Variants in ZBTB24 observed in about 807,000 individuals in gnomAD.
ZBTB24 encodes the protein zinc finger and BTB domain-containing protein 24.
Under a neutral mutation model 53.8 loss-of-function variants are expected in ZBTB24, and 32 were observed. The observed-to-expected ratio is 0.60, with a 90% CI of 0.45 to 0.80. The LOEUF is 0.80. Among genes scored for constraint, ZBTB24 ranks in the 30% least tolerant of loss-of-function variants. ZBTB24 has a pLI of 0.00. For synonymous variants in ZBTB24, 297 were observed against 306.7 expected (o/e 0.97, Z 0.33); for missense variants, 722 against 837.1 (o/e 0.86, Z 1.70).
intron 2 of ZBTB24, among the ~76,000 whole-genome samples, chr6:109,477,775 T>C (rs1443595915): frequency 1.3e-5 from 2 of 152,210 alleles, no homozygotes; most frequent in African/African-American, 4.8e-5. Flanking sequence ...TTCCCCATCC[T>C]GTCCTAGACA....
At chr6:109,478,763 T>C (rs1443652952) in intron 2 of ZBTB24, among the ~76,000 whole-genome samples, 2 of 150,304 alleles carry the variant, frequency 1.3e-5, no homozygotes, top group Admixed American at 6.6e-5. Context: ...CCCTTACATA[T>C]GATTTAAAAA....
At position 109,481,430 on chromosome 6, in the gene ZBTB24, C is replaced by T. The variant is rs1423585422; in HGVS notation, c.597G>A (p.Val199=). The change falls in exon 2 of 7, where the codon GTG becomes GTA. Residue 199 remains valine (V), a synonymous_variant. Transcript: ENST00000230122. ...NNSVQNRQNF[V]VKGDSGVLNE... The stretch of plus-strand genomic sequence containing the variant: ...TCAGTACACCACTGTCTCCTTTAAC[C>T]ACAAAGTTTTGTCTATTCTGAACTG... 4 of 1,614,158 alleles carry T rather than the reference C, an allele frequency of 2.5e-6. No homozygotes were observed. In the South Asian group the frequency reaches 4.4e-5, roughly 18 times the overall value.
chr6:109,475,357 A>C, intron 5 of ZBTB24, 42 bp downstream of exon 5: 6 of 1,611,156 alleles, frequency 3.7e-6, no homozygotes, highest in Non-Finnish European at 5.1e-6. Context: ...CTCTCCTGAA[A>C]ACATCCCGTG....
rs548949913 is a variant in ZBTB24 at position 109,473,948 on chromosome 6, G to A, written c.1288+1451C>T. Among the ~76,000 whole-genome samples, 11 of 151,734 alleles carry A rather than the reference G, an allele frequency of 7.2e-5. No homozygotes were observed. In the South Asian group the frequency reaches 2.3e-3, roughly 31 times the overall value. On this transcript the variant is annotated intron_variant, in intron 5 of 6. Coordinates refer to ENST00000230122, the MANE Select transcript of ZBTB24 (RefSeq NM_014797.3). ...AAAAAAAAACACAAAAATTAGCCAG[G>A]CGTGGTGGTGCGCACCTGTAGTTCC... is the stretch of plus-strand genomic sequence containing the variant.
At chr6:109,473,071 C>T (rs1776199953) in intron 5 of ZBTB24, among the ~76,000 whole-genome samples, 3 of 152,192 alleles carry the variant, frequency 2.0e-5, no homozygotes, top group Admixed American at 6.5e-5. Flanking sequence ...AAAGCCATCT[C>T]CCTCAGAATA....
chr6:109,479,166 G>A (rs1776343756), intron 2 of ZBTB24, among the ~76,000 whole-genome samples: 1 of 152,166 alleles, frequency 6.6e-6, no homozygotes, highest in Non-Finnish European at 1.5e-5. Flanking sequence ...CAAACCTTAT[G>A]AATCTACCTG....
Position 109,466,494 on chromosome 6 carries a change from T to A in ZBTB24, c.1451A>T (p.His484Leu). 1.2e-6 allele frequency: 2 copies of A among 1,614,204 alleles called. No homozygotes were observed. The highest frequency in any genetic ancestry group is 1.7e-6 in the Non-Finnish European group (2 of 1,180,046). Residue 484 changes from histidine (H) to leucine (L), a missense_variant, in exon 7 of 7, where the codon CAC (histidine) becomes CTC (leucine). Transcript: ENST00000230122. Reference sequence around the variant, plus strand: ...GCAGGAGAAAGGCTTCTTGCCAGTGTGTAGAATGCAGTGTCTCCTTTTGGC... The same window carrying A: ...GCAGGAGAAAGGCTTCTTGCCAGTGAGTAGAATGCAGTGTCTCCTTTTGGC... ...SSAKRRHCIL[H>L]TGKKPFSCPE...
At chr6:109,472,896 G>A (rs1433184523) in intron 5 of ZBTB24, among the ~76,000 whole-genome samples, 4 of 151,998 alleles carry the variant, frequency 2.6e-5, no homozygotes, top group Non-Finnish European at 4.4e-5. Context: ...TCCAGAACTG[G>A]ACCACCTGAC....
At chr6:109,476,350 C>T in intron 3 of ZBTB24, 92 bp from the exon 4 acceptor site, 2 of 1,305,494 alleles carry the variant, frequency 1.5e-6, no homozygotes, top group South Asian at 1.2e-5. Context: ...GGGTCCAGGT[C>T]CCCATTTTCT....
rs1477626713 is a variant in ZBTB24 at position 109,462,762 on chromosome 6, T to G, written c.*3089A>C. ...AATCATCCCAAGGCAGACCCTCTTC[T>G]GGGAGAAAACCAAAGATTCACCTTC... On this transcript the variant is annotated 3_prime_UTR_variant, in exon 7 of 7. Coordinates refer to ENST00000230122, the MANE Select transcript of ZBTB24 (RefSeq NM_014797.3). 3 of 152,222 alleles carry G rather than the reference T, an allele frequency of 2.0e-5. No individual in the cohort carries two copies. Among genetic ancestry groups the G allele is most frequent in the African/African-American group, 7.2e-5 (3 of 41,450 alleles). The allele number at this position is 152,222 out of a possible 1,614,324, so 9.4% of individuals were successfully genotyped here. A position where few individuals can be genotyped will look rare whatever the true frequency, so the allele number is the denominator to read the frequency against.
At position 109,481,540 on chromosome 6, in the gene ZBTB24, C is replaced by T; in HGVS notation, c.487G>A (p.Gly163Arg). ...KKNDPPKRKRGRPKKVNTLQE... is the reference protein window; with the variant it reads ...KKNDPPKRKRRRPKKVNTLQE... Reference sequence around the variant, plus strand: ...AATGTATTGACTTTTTTTGGTCTTCCCCGTTTCCGCTTTGGAGGATCGTTT... The same window carrying T: ...AATGTATTGACTTTTTTTGGTCTTCTCCGTTTCCGCTTTGGAGGATCGTTT... The change falls in exon 2 of 7, where the codon GGA becomes AGA. Residue 163 changes from glycine (G) to arginine (R), a missense_variant. By Grantham distance (125) the Gly-to-Arg change is moderately radical. Transcript: ENST00000230122. 3 of 1,614,128 alleles carry T rather than the reference C, an allele frequency of 1.9e-6. No homozygotes were observed. The highest frequency in any genetic ancestry group is 4.5e-5 in the East Asian group (2 of 44,886).
At chr6:109,475,854 T>C (rs1000869267) in intron 4 of ZBTB24, among the ~76,000 whole-genome samples, 1 of 152,210 alleles carries the variant, frequency 6.6e-6, no homozygotes, top group African/African-American at 2.4e-5. Context: ...CTGACAGCCA[T>C]GGGATGATGA....
At position 109,466,302 on chromosome 6, in the gene ZBTB24, C is replaced by G; in HGVS notation, c.1643G>C (p.Gly548Ala). ...TACGAGAAGCTGAATTTCCTGCTCT[C>G]CCGAGGTAGAGAGTTGATATGGCTG... The part of the protein sequence containing the change: ...QLQPYQLSTS[G>A]EQEIQLLVTD... Residue 548 changes from glycine (G) to alanine (A), a missense_variant, in exon 7 of 7, where the codon GGA (glycine) becomes GCA (alanine). By Grantham distance (60) the Gly-to-Ala change is moderately conservative. Transcript: ENST00000230122. The G allele has an allele frequency of 1.9e-6, 3 of 1,614,160 alleles. No individual in the cohort carries two copies. The highest frequency in any genetic ancestry group is 2.5e-6 in the Non-Finnish European group (3 of 1,180,036).
chr6:109,474,248 A>T (rs539625266), intron 5 of ZBTB24, among the ~76,000 whole-genome samples: 3 of 152,240 alleles, frequency 2.0e-5, no homozygotes, highest in African/African-American at 4.8e-5. Context: ...GGTATAAAAG[A>T]TCCAATTTTC....
Position 109,481,498 on chromosome 6 carries a change from C to G in ZBTB24, c.529G>C (p.Glu177Gln). ...KVNTLQEEKS[E>Q]LAAEEEIQLR... The stretch of plus-strand genomic sequence containing the variant: ...TGTATTTCTTCCTCTGCAGCCAGTT[C>G]TGATTTCTCCTCCTGCAATGTATTG... Residue 177 changes from glutamate (E) to glutamine (Q), a missense_variant, in exon 2 of 7, where the codon GAA (glutamate) becomes CAA (glutamine). Coordinates refer to ENST00000230122, the MANE Select transcript of ZBTB24 (RefSeq NM_014797.3). 1.9e-6 allele frequency: 3 copies of G among 1,614,202 alleles called. No individual in the cohort carries two copies. Among genetic ancestry groups the G allele is most frequent in the Non-Finnish European group, 2.5e-6 (3 of 1,180,034 alleles).
chr6:109,475,097 A>C (rs1776252651), intron 5 of ZBTB24, among the ~76,000 whole-genome samples: 1 of 151,694 alleles, frequency 6.6e-6, no homozygotes, highest in Non-Finnish European at 1.5e-5. Flanking sequence ...GAAGTAAATT[A>C]AGAGTGAAAC....
rs1391129158 is a variant in ZBTB24 at position 109,465,234 on chromosome 6, T to A, written c.*617A>T. The A allele has an allele frequency of 1.3e-5, 2 of 158,640 alleles. No individual in the cohort carries two copies. The highest frequency in any genetic ancestry group is 1.4e-5 in the Non-Finnish European group (1 of 72,630). 9.8% of individuals were successfully genotyped at this position (158,640 alleles called of 1,614,324 possible). A position where few individuals can be genotyped will look rare whatever the true frequency, so the allele number is the denominator to read the frequency against. ...ATGAATTTTGAGTTAAAATACTGAGTTTATGAGTTTGAATCTTTCTGAAGT... is the reference window on the plus strand; with the variant it reads ...ATGAATTTTGAGTTAAAATACTGAGATTATGAGTTTGAATCTTTCTGAAGT... On this transcript the variant is annotated 3_prime_UTR_variant, in exon 7 of 7. Transcript: ENST00000230122.
At chr6:109,467,788 A>G (rs1167750892) in intron 5 of ZBTB24, 54 bp from the exon 6 acceptor site, 2 of 1,579,306 alleles carry the variant, frequency 1.3e-6, no homozygotes, top group Non-Finnish European at 1.7e-6. Flanking sequence ...ACATTTAACA[A>G]TATACATTCA....
chr6:109,469,760 TTC>T (rs1562300547), intron 5 of ZBTB24, among the ~76,000 whole-genome samples: 1 of 152,212 alleles, frequency 6.6e-6, no homozygotes, highest in Admixed American at 6.5e-5. Context: ...GCGTCAACAA[TTC>T]TGAGTGCAGA....
Sources: gnomAD v4.1 joint callset for allele counts (sites outside exome capture counted in the v4.1 genomes callset) on GRCh38, gnomAD v4.1.1 for gene constraint, MANE v1.5 for transcripts, NCBI Gene and HGNC (gene_info 2026-07-23, HGNC 2026-07-21) for gene names.